The following SATB2 variants were observed in gnomAD, a reference collection of about 807,000 sequenced individuals.
The protein encoded by SATB2 is SATB homeobox 2, also known as DNA-binding protein SATB2.
Under a neutral mutation model 73.4 loss-of-function variants are expected in SATB2, and 1 was observed. That is an observed-to-expected ratio of 0.01 (90% CI 0.00 to 0.06). The LOEUF is 0.06. SATB2 is among the 10% of genes least tolerant of loss of function. The pLI is 1.00. For missense variants in SATB2, 459 were observed against 945.8 expected, an observed-to-expected ratio of 0.49 and a Z score of 6.75; for synonymous variants, 397 against 367.0, an observed-to-expected ratio of 1.08 and a Z score of -0.93.
At chr2:199,411,129 C>T (rs1170032007) in intron 3 of SATB2, among the ~76,000 whole-genome samples, 1 of 152,038 alleles carries the variant, frequency 6.6e-6, no homozygotes, top group Non-Finnish European at 1.5e-5. Flanking sequence ...ATTTACTCTC[C>T]TCTGCCACAT....
At chr2:199,309,275 C>T (rs1460128748) in intron 9 of SATB2, among the ~76,000 whole-genome samples, 1 of 152,190 alleles carries the variant, frequency 6.6e-6, no homozygotes, top group African/African-American at 2.4e-5. Flanking sequence ...TTGTGTCAGT[C>T]AGCTACAATT....
At chr2:199,390,304 C>G (rs925744696) in intron 3 of SATB2, among the ~76,000 whole-genome samples, 1 of 152,030 alleles carries the variant, frequency 6.6e-6, no homozygotes, top group Non-Finnish European at 1.5e-5. Flanking sequence ...AGGAATAAGA[C>G]AAATGAGAAA....
At chr2:199,316,080 T>C (rs556653779) in intron 9 of SATB2, among the ~76,000 whole-genome samples, 1 of 152,202 alleles carries the variant, frequency 6.6e-6, no homozygotes, top group Non-Finnish European at 1.5e-5. Context: ...AGGAAACTCA[T>C]ATTATTAACC....
intron 6 of SATB2, among the ~76,000 whole-genome samples, chr2:199,363,676 T>C (rs1689202326): frequency 6.6e-6 from 1 of 152,230 alleles, no homozygotes; most frequent in South Asian, 2.1e-4. Context: ...TTTGAGGTGA[T>C]GAATAGGTTA....
At chr2:199,429,020 AAAAG>A (rs995272068) in intron 3 of SATB2, among the ~76,000 whole-genome samples, 9 of 151,520 alleles carry the variant, frequency 5.9e-5, no homozygotes, top group African/African-American at 1.7e-4. Flanking sequence ...AAAAAAAAAA[AAAAG>A]AAAGAAAGAA....
At chr2:199,414,150 C>T (rs1207621801) in intron 3 of SATB2, among the ~76,000 whole-genome samples, 1 of 152,158 alleles carries the variant, frequency 6.6e-6, no homozygotes, top group Non-Finnish European at 1.5e-5. Context: ...ATCCTGCATA[C>T]CAGCCAAGCA....
At chr2:199,326,058 T>A (rs1428898416) in intron 8 of SATB2, 1 of 152,140 alleles carries the variant, frequency 6.6e-6, no homozygotes, top group Non-Finnish European at 1.5e-5. Context: ...AAGCTGCTTG[T>A]GTGCACTAAA....
chr2:199,308,940 C>A lies in SATB2; in HGVS notation c.1560G>T (p.Leu520=). 6.2e-7 allele frequency: 1 copy of A among 1,614,118 alleles called. No homozygotes were observed. Among genetic ancestry groups the A allele is most frequent in the Non-Finnish European group, 8.5e-7 (1 of 1,179,996 alleles). The change falls in exon 10 of 11, where the codon CTG becomes CTT. Residue 520 remains leucine, a synonymous_variant. Coordinates refer to ENST00000417098, the MANE Select transcript of SATB2 (RefSeq NM_001172509.2). The surrounding 1 kb of genome is among the most constrained non-coding windows in gnomAD (Gnocchi z 4.6). ...GGCTTGGGTTCTCCTTCCAGCGGAG[C>A]AGTTCACACAGCCAGCCCTGTAGAG... ...ANKSQGWLCE[L]LRWKENPSPE... is the part of the protein sequence containing the mutation.
At chr2:199,449,355 T>C (rs917819612) in intron 2 of SATB2, among the ~76,000 whole-genome samples, 1 of 152,186 alleles carries the variant, frequency 6.6e-6, no homozygotes, top group Non-Finnish European at 1.5e-5. Flanking sequence ...TATACTGATT[T>C]TACCACAATT....
intron 7 of SATB2, among the ~76,000 whole-genome samples, chr2:199,340,110 C>T (rs1368223850): frequency 6.6e-6 from 1 of 152,322 alleles, no homozygotes; most frequent in East Asian, 1.9e-4. Flanking sequence ...TTTCCTGATA[C>T]ATCGTTCAAT....
Position 199,338,261 on chromosome 2 carries a change from G to A in SATB2, c.1174-9351C>T, listed in dbSNP as rs186475605. On this transcript the variant is annotated intron_variant, in intron 7 of 10. Transcript: ENST00000417098. ...CACATGGCTGTAATCCCAGCTACTCGGGAGGCTGAGGTGGAAGGATCACTT... is the reference window on the plus strand; with the variant it reads ...CACATGGCTGTAATCCCAGCTACTCAGGAGGCTGAGGTGGAAGGATCACTT... 6.4e-3 allele frequency among the ~76,000 whole-genome samples: 980 copies of A among 152,104 alleles called. 12 individuals are homozygous for A. Among genetic ancestry groups the A allele is most frequent in the African/African-American group, 0.022 (900 of 41,488 alleles).
At chr2:199,409,262 C>T (rs1277528617) in intron 3 of SATB2, among the ~76,000 whole-genome samples, 5 of 151,144 alleles carry the variant, frequency 3.3e-5, no homozygotes, top group Admixed American at 6.6e-5. Flanking sequence ...CTCCGCCTCC[C>T]GGGTTCAAGC....
At chr2:199,331,190 A>T in intron 7 of SATB2, among the ~76,000 whole-genome samples, 1 of 147,342 alleles carries the variant, frequency 6.8e-6, no homozygotes, top group African/African-American at 2.5e-5. Context: ...AAATTTTAAA[A>T]CACAGAGTGT....
chr2:199,325,161 A>G (rs1687996972), intron 8 of SATB2: 1 of 152,152 alleles, frequency 6.6e-6, no homozygotes. Flanking sequence ...CTTCTCTCAT[A>G]CTATTTTCTA....
At chr2:199,372,434 T>G (rs976225483) in intron 5 of SATB2, among the ~76,000 whole-genome samples, 8 of 152,218 alleles carry the variant, frequency 5.3e-5, no homozygotes, top group Non-Finnish European at 1.2e-4. Context: ...AAATAGATTT[T>G]CTTTTAGGTT....
chr2:199,359,077 T>C (rs1689066663), intron 6 of SATB2, among the ~76,000 whole-genome samples: 1 of 152,206 alleles, frequency 6.6e-6, no homozygotes, highest in South Asian at 2.1e-4. Flanking sequence ...AAAGATCATA[T>C]TGTTGAAACT....
rs1216734671 is a variant in SATB2 at position 199,463,165 on chromosome 2, C to G, written c.-141+1671G>C. ...ACCCTACCACACCAGGCAACGCCCC[C>G]CGGGGCGCCCTTCATTCTTTTGCAG... On this transcript the variant is annotated intron_variant, in intron 1 of 11. Transcript: ENST00000260926. This position sits in a 1 kb window ranked among gnomAD's most constrained non-coding sequence, Gnocchi z 6.4. 1.3e-5 allele frequency among the ~76,000 whole-genome samples: 2 copies of G among 152,296 alleles called. No homozygotes were observed. Among genetic ancestry groups the G allele is most frequent in the Admixed American group, 1.3e-4 (2 of 15,312 alleles).
chr2:199,304,746 G>C (rs971161938), intron 10 of SATB2, among the ~76,000 whole-genome samples: 1 of 152,108 alleles, frequency 6.6e-6, no homozygotes, highest in Non-Finnish European at 1.5e-5. Context: ...AGCTTAAATC[G>C]GGGTTTCTGA....
At chr2:199,458,917 G>A (rs993086763), upstream of SATB2, among the ~76,000 whole-genome samples, 1 of 152,124 alleles carries the variant, frequency 6.6e-6, no homozygotes, top group African/African-American at 2.4e-5. Flanking sequence ...TGGCACGGCC[G>A]CGAGTCCGGA....
Sources: allele counts gnomAD v4.1 joint callset (sites outside exome capture counted in the v4.1 genomes callset), GRCh38; gene constraint gnomAD v4.1.1; non-coding constraint Gnocchi (gnomAD v3.1); transcripts MANE v1.5; gene names NCBI Gene and HGNC (gene_info 2026-07-23, HGNC 2026-07-21).